Variants in POLQ observed in about 807,000 individuals in gnomAD.
The protein encoded by POLQ is epididymis secretory sperm binding protein.
Under a neutral mutation model 259.2 loss-of-function variants are expected in POLQ, and 233 were observed. The observed-to-expected ratio is 0.90, with a 90% CI of 0.81 to 1.00. POLQ has a LOEUF of 1.00. POLQ is among the 50% of genes least tolerant of loss of function. The pLI, the probability that POLQ is intolerant of heterozygous loss-of-function variation, is 0.00. For synonymous variants in POLQ, 1,025 were observed against 1,048.8 expected, an observed-to-expected ratio of 0.98 and a Z score of 0.44; for missense variants, 2,871 against 3,051.6, an observed-to-expected ratio of 0.94 and a Z score of 1.39.
At chr3:121,522,518 A>G (rs1299639825) in intron 7 of POLQ, among the ~76,000 whole-genome samples, 1 of 149,824 alleles carries the variant, frequency 6.7e-6, no homozygotes, top group Admixed American at 6.7e-5. Flanking sequence ...TCACCTTGTT[A>G]GCCAGGATGG....
At position 121,449,280 on chromosome 3, in the gene POLQ, T is replaced by C. The variant is rs377666608; in HGVS notation, c.7264+35A>G. ...TTTTTAAAAATATAATATGGTAAGA[T>C]GGTTGAAAAGAATACTATCTAGAAG... On this transcript the variant is annotated intron_variant, in intron 26 of 29. Coordinates refer to ENST00000264233, the MANE Select transcript of POLQ (RefSeq NM_199420.4). The C allele has an allele frequency of 8.7e-5, 90 of 1,035,418 alleles. No individual in the cohort carries two copies. The African/African-American group carries it at 1.2e-3, about 14-fold the overall frequency. The allele number at this position is 1,035,418 out of a possible 1,614,324, so 64.1% of individuals were successfully genotyped here.
At chr3:121,458,824 A>G (rs2047765817) in intron 25 of POLQ, among the ~76,000 whole-genome samples, 1 of 152,154 alleles carries the variant, frequency 6.6e-6, no homozygotes, top group Non-Finnish European at 1.5e-5. Flanking sequence ...GCCAAGTTGG[A>G]AGTATCACTT....
In POLQ at chr3:121,530,933, T is replaced by C. The variant is rs545436508; in HGVS notation, c.961-1141A>G. On this transcript the variant is annotated intron_variant, in intron 6 of 29. Transcript: ENST00000264233. ...TACATAAGGGACAGGGCGCAGTGGC[T>C]CACTCCTGTAATCCCAGCACTTTGG... 1.8e-4 allele frequency among the ~76,000 whole-genome samples: 27 copies of C among 152,274 alleles called. No homozygotes were observed. The East Asian group carries it at 5.0e-3, about 28-fold the overall frequency.
intron 19 of POLQ, among the ~76,000 whole-genome samples, chr3:121,481,005 T>G (rs928727317): frequency 6.6e-6 from 1 of 152,234 alleles, no homozygotes; most frequent in Non-Finnish European, 1.5e-5. Context: ...GGGTGCTTGA[T>G]CTGGGCCAGC....
At chr3:121,506,173 C>T (rs2048207193) in intron 12 of POLQ, among the ~76,000 whole-genome samples, 1 of 151,822 alleles carries the variant, frequency 6.6e-6, no homozygotes, top group South Asian at 2.1e-4. Context: ...ATACAATAAG[C>T]AAAGTCAAAA....
At chr3:121,449,481 A>G in intron 25 of POLQ, 55 bp from the exon 26 acceptor site, 1 of 986,002 alleles carries the variant, frequency 1.0e-6, no homozygotes, top group Admixed American at 1.8e-5. Context: ...ATGCAAATAA[A>G]AGGGTTCATT....
At chr3:121,519,088 G>A (rs751943988) in intron 9 of POLQ, among the ~76,000 whole-genome samples, 13 of 151,826 alleles carry the variant, frequency 8.6e-5, no homozygotes, top group Non-Finnish European at 1.6e-4. Context: ...CACCAATTTC[G>A]AGAAAAAAGA....
intron 11 of POLQ, 108 bp downstream of exon 11, chr3:121,509,930 CA>C (rs1282843430): frequency 1.0e-6 from 1 of 998,902 alleles, no homozygotes; most frequent in Non-Finnish European, 1.5e-6. Flanking sequence ...CTCAAAAAAT[CA>C]AATTCCTTTT....
intron 18 of POLQ, among the ~76,000 whole-genome samples, chr3:121,482,394 C>G (rs553138011): frequency 1.3e-5 from 2 of 152,008 alleles, no homozygotes; most frequent in African/African-American, 4.8e-5. Flanking sequence ...GTGGTGGGCA[C>G]CTGTAATCCC....
chr3:121,498,498 C>A lies in POLQ; in HGVS notation c.2132G>T (p.Arg711Leu). The A allele has an allele frequency of 6.2e-7, 1 of 1,613,756 alleles. No homozygotes were observed. The highest frequency in any genetic ancestry group is 8.5e-7 in the Non-Finnish European group (1 of 1,179,844). Residue 711 changes from arginine to leucine, a missense_variant, in exon 13 of 30, where the codon CGA becomes CTA. Around this residue, in one of 3 missense-constraint regions of POLQ, gnomAD observed 783 missense variants for 906.2 expected, o/e 0.86. Coordinates refer to ENST00000264233, the MANE Select transcript of POLQ (RefSeq NM_199420.4). Reference protein sequence around the residue: ...KVVARTERQHRQMAIHKRFFT... With the variant: ...KVVARTERQHLQMAIHKRFFT... ...TTACCTTTTATGGATGGCCATTTGTCGATGCTGTCTCTCAGTTCTGGCTAC... is the reference window on the plus strand; with the variant it reads ...TTACCTTTTATGGATGGCCATTTGTAGATGCTGTCTCTCAGTTCTGGCTAC...
intron 7 of POLQ, among the ~76,000 whole-genome samples, chr3:121,525,446 G>C: frequency 6.6e-6 from 1 of 152,032 alleles, no homozygotes; most frequent in East Asian, 1.9e-4. Flanking sequence ...CCTTGAGTAG[G>C]CTGATGAAGG....
At chr3:121,533,501 T>TA (rs2048426792) in intron 5 of POLQ, among the ~76,000 whole-genome samples, 1 of 152,184 alleles carries the variant, frequency 6.6e-6, no homozygotes. Flanking sequence ...TGTTGGCAGT[T>TA]ATAGACAGTA....
At chr3:121,448,296 A>T (rs1007826326) in intron 26 of POLQ, among the ~76,000 whole-genome samples, 2 of 151,594 alleles carry the variant, frequency 1.3e-5, no homozygotes, top group Non-Finnish European at 2.9e-5. Context: ...ATATTAAGAG[A>T]CTCTGATACT....
intron 28 of POLQ, among the ~76,000 whole-genome samples, chr3:121,434,484 G>A (rs929260037): frequency 6.6e-6 from 1 of 152,106 alleles, no homozygotes; most frequent in Non-Finnish European, 1.5e-5. Context: ...AAAGCACACA[G>A]CACAGTATTA....
Position 121,483,586 on chromosome 3 carries a change from TAAAAA to T in POLQ, c.5774-9_5774-5del. On this transcript the variant is annotated splice_region_variant and splice_polypyrimidine_tract_variant and intron_variant, in intron 17 of 29. Coordinates refer to ENST00000264233, the MANE Select transcript of POLQ (RefSeq NM_199420.4). ...GGAACCAAACTGGCACTAATTTCTT[TAAAAA>T]AAAAAAAAAAAAGGAAAAAACATTT... 5 of 1,277,296 alleles carry T rather than the reference TAAAAA, an allele frequency of 3.9e-6. No individual in the cohort carries two copies. The highest frequency in any genetic ancestry group is 2.7e-5 in the East Asian group (1 of 36,382). 79.1% of individuals were successfully genotyped at this position (1,277,296 alleles called of 1,614,324 possible). A position where few individuals can be genotyped will look rare whatever the true frequency, so the allele number is the denominator to read the frequency against.
In POLQ at chr3:121,450,288, A is replaced by C. The variant is rs182906959; in HGVS notation, c.7153-862T>G. The stretch of plus-strand genomic sequence containing the variant: ...CTTGCATGATTATCAGAATTCCAAA[A>C]AAACTTTCAACATGATAAGCTAACT... On this transcript the variant is annotated intron_variant, in intron 25 of 29. Coordinates refer to ENST00000264233, the MANE Select transcript of POLQ (RefSeq NM_199420.4). Among the ~76,000 whole-genome samples the C allele has an allele frequency of 5.6e-4, 86 of 152,300 alleles. 2 individuals are homozygous for C. The East Asian group carries it at 0.011, about 19-fold the overall frequency.
At chr3:121,452,810 G>C (rs371846708) in intron 25 of POLQ, among the ~76,000 whole-genome samples, 3 of 152,190 alleles carry the variant, frequency 2.0e-5, no homozygotes, top group South Asian at 4.1e-4. Flanking sequence ...CTGGGGGCAG[G>C]GCACAGAAAA....
chr3:121,521,056 T>C (rs2048332669), intron 8 of POLQ, among the ~76,000 whole-genome samples: 1 of 152,222 alleles, frequency 6.6e-6, no homozygotes. Context: ...ATAAATTACA[T>C]ACAATGTAAA....
chr3:121,539,241 A>T (rs73857909), intron 4 of POLQ, among the ~76,000 whole-genome samples, 192 bp downstream of exon 4: 2,124 of 152,252 alleles, frequency 0.014, 54 homozygotes, highest in African/African-American at 0.048. Context: ...AACGTAACGG[A>T]GTCAATAACA....
Sources: allele counts gnomAD v4.1 joint callset (sites outside exome capture counted in the v4.1 genomes callset), GRCh38; gene constraint gnomAD v4.1.1; regional missense constraint gnomAD v4.1.1; transcripts MANE v1.5; gene names NCBI Gene and HGNC (gene_info 2026-07-23, HGNC 2026-07-21).